The following PTPRM variants were observed in gnomAD, a reference collection of about 807,000 sequenced individuals.
PTPRM encodes the protein protein tyrosine phosphatase receptor type M.
Under a neutral mutation model 186.7 loss-of-function variants are expected in PTPRM, and 47 were observed. That is an observed-to-expected ratio of 0.25 (90% confidence interval 0.20 to 0.32). PTPRM has a LOEUF of 0.32. Ranked by LOEUF, PTPRM falls within the 10% of genes least tolerant of loss-of-function variation. The pLI is 1.00. For synonymous variants in PTPRM, 668 were observed against 674.9 expected (o/e 0.99, Z 0.16); for missense variants, 1,494 against 1,865.0 (o/e 0.80, Z 3.66).
At chr18:8,357,872 G>A (rs2095571877) in intron 23 of PTPRM, among the ~76,000 whole-genome samples, 1 of 130,882 alleles carries the variant, frequency 7.6e-6, no homozygotes, top group Non-Finnish European at 1.7e-5. Context: ...AAAAATATGA[G>A]ACTAAAAGAA....
At chr18:7,805,801 GCTGT>G (rs2044205431) in intron 2 of PTPRM, among the ~76,000 whole-genome samples, 1 of 152,114 alleles carries the variant, frequency 6.6e-6, no homozygotes, top group African/African-American at 2.4e-5. Flanking sequence ...GGTTGAGGAG[GCTGT>G]CTTTTTTTCA....
intron 7 of PTPRM, among the ~76,000 whole-genome samples, chr18:8,035,065 C>G (rs370760001): frequency 6.6e-6 from 1 of 152,314 alleles, no homozygotes; most frequent in African/African-American, 2.4e-5. Flanking sequence ...GACCCTCTCT[C>G]CAGAGCACCT....
At chr18:7,996,986 C>T (rs1443338868) in intron 7 of PTPRM, among the ~76,000 whole-genome samples, 1 of 152,070 alleles carries the variant, frequency 6.6e-6, no homozygotes, top group Non-Finnish European at 1.5e-5. Context: ...TCCATAGATT[C>T]ATTGCAATCC....
At chr18:8,155,609 T>C (rs1317977933) in intron 14 of PTPRM, among the ~76,000 whole-genome samples, 1 of 152,210 alleles carries the variant, frequency 6.6e-6, no homozygotes, top group Non-Finnish European at 1.5e-5. Context: ...ATTTAAACAA[T>C]GCTAGCACTA....
intron 7 of PTPRM, among the ~76,000 whole-genome samples, chr18:8,053,813 T>C (rs1230993755): frequency 6.6e-6 from 1 of 152,162 alleles, no homozygotes; most frequent in Non-Finnish European, 1.5e-5. Context: ...TGGTCCTCAC[T>C]AATGTCTTTC....
chr18:8,176,267 A>T (rs1471827322), intron 14 of PTPRM, among the ~76,000 whole-genome samples: 1 of 152,198 alleles, frequency 6.6e-6, no homozygotes, highest in South Asian at 2.1e-4. Flanking sequence ...TTTTGGAAAC[A>T]AGCTAACAAA....
chr18:7,773,029 G>T (rs1022729283), intron 1 of PTPRM, among the ~76,000 whole-genome samples: 1 of 151,918 alleles, frequency 6.6e-6, no homozygotes, highest in Non-Finnish European at 1.5e-5. Flanking sequence ...ATATGAGATG[G>T]GACAAAATCA....
chr18:8,298,227 G>A (rs77348379), intron 20 of PTPRM, among the ~76,000 whole-genome samples: 1,903 of 152,284 alleles, frequency 0.012, 33 homozygotes, highest in African/African-American at 0.041. Context: ...GAAGCTTTGC[G>A]CTGTTAGAAG....
intron 7 of PTPRM, among the ~76,000 whole-genome samples, chr18:7,979,055 T>A (rs2055156234): frequency 6.6e-6 from 1 of 152,124 alleles, no homozygotes; most frequent in Non-Finnish European, 1.5e-5. Flanking sequence ...GGGTCTTTAA[T>A]TTCATTCCTG....
Position 7,567,513 on chromosome 18 carries a change from G to C in PTPRM, c.-306G>C, listed in dbSNP as rs2036454444. ...CGGGCAGGGGAAGGGGAGAGGCGGC[G>C]AGCTCAGCAACCGGAACCGAGGGAA... On this transcript the variant is annotated 5_prime_UTR_variant, in exon 1 of 33. Coordinates refer to ENST00000580170, the MANE Select transcript of PTPRM (RefSeq NM_001105244.2). The surrounding 1 kb of genome is among the most constrained non-coding windows in gnomAD (Gnocchi z 4.3). 7.2e-6 allele frequency: 2 copies of C among 278,382 alleles called. No homozygotes were observed. The allele number at this position is 278,382 out of a possible 1,614,324, so 17.2% of individuals were successfully genotyped here.
intron 2 of PTPRM, among the ~76,000 whole-genome samples, chr18:7,848,926 A>G (rs1477061985): frequency 6.6e-6 from 1 of 152,178 alleles, no homozygotes; most frequent in Non-Finnish European, 1.5e-5. Flanking sequence ...GGAAAGTTAA[A>G]TAGCTTTCAC....
chr18:7,868,389 T>G (rs1159411746), intron 2 of PTPRM, among the ~76,000 whole-genome samples: 1 of 152,230 alleles, frequency 6.6e-6, no homozygotes, highest in Non-Finnish European at 1.5e-5. Context: ...GGTGTGGATG[T>G]CCTTTTTGTT....
In PTPRM at chr18:7,626,617, G is replaced by A. The variant is rs376995481; in HGVS notation, c.73+58726G>A. Reference sequence around the variant, plus strand: ...TAGGTTAGCAGTGAGGTTGTCCTGTGTACAATTTCAGTGCCCCTTGCTCAG... The same window carrying A: ...TAGGTTAGCAGTGAGGTTGTCCTGTATACAATTTCAGTGCCCCTTGCTCAG... On this transcript the variant is annotated intron_variant, in intron 1 of 32. Transcript: ENST00000580170. 3.3e-5 allele frequency among the ~76,000 whole-genome samples: 5 copies of A among 152,284 alleles called. No individual in the cohort carries two copies. In the South Asian group the frequency reaches 1.0e-3, roughly 32 times the overall value.
chr18:7,716,108 C>A (rs2040323997), intron 1 of PTPRM, among the ~76,000 whole-genome samples: 1 of 152,164 alleles, frequency 6.6e-6, no homozygotes, highest in Non-Finnish European at 1.5e-5. Flanking sequence ...TGACTTCAAA[C>A]TATACTACAA....
At chr18:7,805,430 T>C (rs1269088592) in intron 2 of PTPRM, among the ~76,000 whole-genome samples, 1 of 152,214 alleles carries the variant, frequency 6.6e-6, no homozygotes, top group Non-Finnish European at 1.5e-5. Flanking sequence ...CCTGCTGTGC[T>C]TCTGTTTATG....
chr18:8,277,192 C>G (rs1415120942), intron 19 of PTPRM, among the ~76,000 whole-genome samples: 1 of 152,180 alleles, frequency 6.6e-6, no homozygotes, highest in Non-Finnish European at 1.5e-5. Context: ...CCATCTTGGC[C>G]TCCCAAAGTG....
At chr18:8,363,647 G>C (rs1000487331) in intron 23 of PTPRM, among the ~76,000 whole-genome samples, 6 of 152,154 alleles carry the variant, frequency 3.9e-5, no homozygotes, top group African/African-American at 1.4e-4. Flanking sequence ...ACTTACATTT[G>C]GGGAATAGCT....
intron 1 of PTPRM, among the ~76,000 whole-genome samples, chr18:7,642,526 T>G (rs1007686948): frequency 5.6e-4 from 85 of 152,178 alleles, no homozygotes; most frequent in Non-Finnish European, 1.2e-3. Flanking sequence ...AAGAACCAAT[T>G]TGTCAACTTA....
intron 2 of PTPRM, among the ~76,000 whole-genome samples, chr18:7,776,043 T>C (rs1398586909): frequency 6.6e-6 from 1 of 152,208 alleles, no homozygotes; most frequent in African/African-American, 2.4e-5. Flanking sequence ...AGTTAGGTAA[T>C]TGAAAGAACA....
Sources: gnomAD v4.1 joint callset for allele counts (sites outside exome capture counted in the v4.1 genomes callset) on GRCh38, gnomAD v4.1.1 for gene constraint, Gnocchi (gnomAD v3.1) non-coding constraint, MANE v1.5 for transcripts, NCBI Gene and HGNC (gene_info 2026-07-23, HGNC 2026-07-21) for gene names.